CHCHD3: variants seen among roughly 807,000 people sequenced by gnomAD.
CHCHD3 encodes coiled-coil-helix-coiled-coil-helix domain containing 3.
Under a neutral mutation model 38.2 loss-of-function variants are expected in CHCHD3, and 20 were observed. That is an observed-to-expected ratio of 0.52 (90% CI 0.37 to 0.76). CHCHD3 has a LOEUF of 0.76. CHCHD3 is among the 30% of genes least tolerant of loss of function. The pLI is 0.00. For synonymous variants in CHCHD3, 82 were observed against 100.0 expected (o/e 0.82, Z 1.07); for missense variants, 245 against 279.2 (o/e 0.88, Z 0.87).
intron 2 of CHCHD3, among the ~76,000 whole-genome samples, chr7:133,057,718 A>G (rs1814383994): frequency 6.6e-6 from 1 of 152,204 alleles, no homozygotes; most frequent in Non-Finnish European, 1.5e-5. Context: ...AATAGTGCCT[A>G]TGTCAGTAGA....
In CHCHD3 at chr7:132,997,659, T is replaced by TAAAAAAAAA. The variant is rs71178073; in HGVS notation, c.252-22382_252-22374dup. 1.7e-4 allele frequency among the ~76,000 whole-genome samples: 14 copies of TAAAAAAAAA among 81,770 alleles called. 1 individual carries two copies. The highest frequency in any genetic ancestry group is 5.3e-4 in the African/African-American group (11 of 20,892). 53.6% of individuals were successfully genotyped at this position (81,770 alleles called of 152,430 possible). A position where few individuals can be genotyped will look rare whatever the true frequency, so the allele number is the denominator to read the frequency against. On this transcript the variant is annotated intron_variant, in intron 3 of 7. Transcript: ENST00000262570. ...CTTCTCACTGTAACTAACAGGGTTG[T>TAAAAAAAAA]AAAAAAAAAAAAAAAAAAAAAAAAA...
Position 132,842,098 on chromosome 7 carries a change from G to T in CHCHD3, c.454-3629C>A, listed in dbSNP as rs553881713. Among the ~76,000 whole-genome samples the T allele has an allele frequency of 7.3e-5, 11 of 150,956 alleles. No homozygotes were observed. In the East Asian group the frequency reaches 2.1e-3, roughly 29 times the overall value. On this transcript the variant is annotated intron_variant, in intron 5 of 7. Transcript: ENST00000262570. The stretch of plus-strand genomic sequence containing the variant: ...GGGCGACAGAGCAAGACTCCATCTC[G>T]AGAAAAAAAAAAATTTTTTTTAATA...
chr7:132,948,187 G>A (rs998251837), intron 4 of CHCHD3, among the ~76,000 whole-genome samples: 8 of 151,888 alleles, frequency 5.3e-5, no homozygotes, highest in African/African-American at 1.9e-4. Context: ...CTACTTTACA[G>A]TCACTCCCCA....
chr7:132,957,825 T>C (rs1000786470), intron 4 of CHCHD3, among the ~76,000 whole-genome samples: 2 of 152,134 alleles, frequency 1.3e-5, no homozygotes, highest in African/African-American at 2.4e-5. Flanking sequence ...AAAAGCCCAG[T>C]TGGCACGTGG....
At chr7:133,066,098 C>A (rs1330486095) in intron 2 of CHCHD3, among the ~76,000 whole-genome samples, 1 of 152,138 alleles carries the variant, frequency 6.6e-6, no homozygotes, top group Non-Finnish European at 1.5e-5. Flanking sequence ...AAGCCACATG[C>A]GGTTACTGAG....
intron 4 of CHCHD3, among the ~76,000 whole-genome samples, chr7:132,963,584 G>A (rs1811380869): frequency 1.3e-5 from 2 of 150,066 alleles, no homozygotes; most frequent in Admixed American, 1.3e-4. Flanking sequence ...AGCGGAGACT[G>A]CACCACTGCA....
At chr7:133,059,204 T>TA (rs1814427292) in intron 2 of CHCHD3, among the ~76,000 whole-genome samples, 1 of 152,112 alleles carries the variant, frequency 6.6e-6, no homozygotes, top group African/African-American at 2.4e-5. Context: ...CAGGAGAAGA[T>TA]AGAGTGAAGA....
chr7:132,863,639 C>T (rs1808545286), intron 5 of CHCHD3, among the ~76,000 whole-genome samples: 1 of 152,228 alleles, frequency 6.6e-6, no homozygotes, highest in Non-Finnish European at 1.5e-5. Flanking sequence ...AAGTTCTAGA[C>T]AGAATCTTCT....
At chr7:132,873,156 C>T (rs2117153212) in intron 5 of CHCHD3, among the ~76,000 whole-genome samples, 1 of 152,006 alleles carries the variant, frequency 6.6e-6, no homozygotes. Flanking sequence ...TCATATGAGA[C>T]TGAAAGTGAA....
At chr7:132,815,576 C>T in intron 6 of CHCHD3, 2 of 456,164 alleles carry the variant, frequency 4.4e-6, no homozygotes, top group South Asian at 1.6e-5. Context: ...CATACTGGGA[C>T]AAGAGGTAAC....
chr7:132,895,715 G>C (rs534886620), intron 4 of CHCHD3, among the ~76,000 whole-genome samples: 1 of 152,350 alleles, frequency 6.6e-6, no homozygotes, highest in African/African-American at 2.4e-5. Context: ...TATGTAAGAA[G>C]TGACATTGCT....
intron 4 of CHCHD3, among the ~76,000 whole-genome samples, chr7:132,963,515 C>T (rs1044518479): frequency 1.3e-5 from 2 of 151,234 alleles, no homozygotes; most frequent in East Asian, 1.9e-4. Flanking sequence ...GCCTGTAGTC[C>T]CAGCTACTCG....
chr7:132,959,971 G>T (rs1371390845), intron 4 of CHCHD3, among the ~76,000 whole-genome samples: 2 of 152,150 alleles, frequency 1.3e-5, no homozygotes, highest in East Asian at 3.9e-4. Flanking sequence ...AGTCAAAGCT[G>T]AGAACCAAGT....
chr7:132,858,089 A>ATC (rs1808388803), intron 5 of CHCHD3, among the ~76,000 whole-genome samples: 2 of 151,862 alleles, frequency 1.3e-5, no homozygotes, highest in African/African-American at 4.8e-5. Context: ...TTGAGACTGA[A>ATC]TCTCACTCTG....
intron 3 of CHCHD3, among the ~76,000 whole-genome samples, chr7:132,990,549 C>T (rs768257150): frequency 9.9e-5 from 15 of 152,118 alleles, no homozygotes; most frequent in Admixed American, 6.5e-4. Flanking sequence ...ATCCTGGTTC[C>T]GTGACCTGAG....
At chr7:132,970,826 T>C in intron 4 of CHCHD3, among the ~76,000 whole-genome samples, 1 of 151,820 alleles carries the variant, frequency 6.6e-6, no homozygotes, top group East Asian at 1.9e-4. Context: ...ACAAGAAATA[T>C]GTGGCTGGGC....
chr7:132,793,554 A>G (rs991344527), intron 7 of CHCHD3, among the ~76,000 whole-genome samples: 1 of 152,232 alleles, frequency 6.6e-6, no homozygotes, highest in African/African-American at 2.4e-5. Flanking sequence ...AAACACTGAT[A>G]TGAATAAGTG....
intron 2 of CHCHD3, among the ~76,000 whole-genome samples, chr7:133,029,252 G>A (rs1030918578): frequency 1.3e-5 from 2 of 151,936 alleles, no homozygotes; most frequent in East Asian, 1.9e-4. Context: ...CAAATATATC[G>A]AGCACCACAC....
chr7:132,974,065 G>T, intron 4 of CHCHD3: 1 of 1,244,614 alleles, frequency 8.0e-7, no homozygotes. Flanking sequence ...AAATTATGTT[G>T]AATACAAAAG....
Sources: gnomAD v4.1 joint callset for allele counts (sites outside exome capture counted in the v4.1 genomes callset) on GRCh38, gnomAD v4.1.1 for gene constraint, MANE v1.5 for transcripts, NCBI Gene and HGNC (gene_info 2026-07-23, HGNC 2026-07-21) for gene names.